Variants in ZFHX3 observed in about 807,000 individuals in gnomAD.
ZFHX3 encodes the protein zinc finger homeobox protein 3.
Under a neutral mutation model 279.1 loss-of-function variants are expected in ZFHX3, and 42 were observed. That is an observed-to-expected ratio of 0.15 (90% CI 0.12 to 0.19). ZFHX3 has a LOEUF of 0.19. Among genes scored for constraint, ZFHX3 ranks in the 10% least tolerant of loss-of-function variants. The probability of loss-of-function intolerance (pLI) is 1.00; values close to 1 mark genes in which losing one functional copy is unlikely to be tolerated. For missense variants in ZFHX3, 4,981 were observed against 4,754.0 expected (o/e 1.05, Z -1.40); for synonymous variants, 2,293 against 1,957.8 (o/e 1.17, Z -4.52).
intron 3 of ZFHX3, among the ~76,000 whole-genome samples, chr16:73,443,664 C>T (rs1339526606): frequency 6.6e-6 from 1 of 152,216 alleles, no homozygotes; most frequent in African/African-American, 2.4e-5. Flanking sequence ...CCCTCCTTCT[C>T]TCCCTTTCTC....
intron 2 of ZFHX3, among the ~76,000 whole-genome samples, chr16:73,646,818 G>T (rs1337556315): frequency 6.6e-6 from 1 of 152,120 alleles, no homozygotes; most frequent in African/African-American, 2.4e-5. Flanking sequence ...TGAAAAAGTT[G>T]TAAAAGATCT....
At position 72,787,144 on chromosome 16, in the gene ZFHX3, G is replaced by C. The variant is rs187024326; in HGVS notation, c.*20C>G. 2.9e-6 allele frequency: 4 copies of C among 1,385,822 alleles called. No individual in the cohort carries two copies. The highest frequency in any genetic ancestry group is 3.9e-5 in the South Asian group (2 of 51,896). The allele number at this position is 1,385,822 out of a possible 1,614,324, so 85.8% of individuals were successfully genotyped here. ...TTTTTGTATTTAAATTCATTTGTTT[G>C]TATTGTTCATCTTCAAAGCTTACAA... is the stretch of plus-strand genomic sequence containing the variant. On this transcript the variant is annotated 3_prime_UTR_variant, in exon 10 of 10. Coordinates refer to ENST00000268489, the MANE Select transcript of ZFHX3 (RefSeq NM_006885.4).
chr16:72,788,653 T>G lies in ZFHX3; in HGVS notation c.9623A>C (p.Gln3208Pro). The change falls in exon 10 of 10, where the codon CAG becomes CCG. Residue 3208 changes from glutamine (Q) to proline (P), a missense_variant. Coordinates refer to ENST00000268489, the MANE Select transcript of ZFHX3 (RefSeq NM_006885.4). ...GGCTGCTGGCGGCGGGGGAGGCTGC[T>G]GCACCTGTGGTTGCTGCTGCTGCTG... ...QQQQQQQPQV[Q>P]QPPPPPAAQP... 6.2e-7 allele frequency: 1 copy of G among 1,613,380 alleles called. No homozygotes were observed. Among genetic ancestry groups the G allele is most frequent in the East Asian group, 2.2e-5 (1 of 44,696 alleles).
intron 1 of ZFHX3, among the ~76,000 whole-genome samples, chr16:73,043,675 G>A (rs728646): frequency 0.22 from 33,119 of 152,090 alleles, 3,861 homozygotes; most frequent in East Asian, 0.42. Context: ...CATTCCAGTC[G>A]TTTCCCTACT....
chr16:73,378,055 A>AAAAAAAAAAAAAAAAAAAAAAAAT (rs2016754997), intron 3 of ZFHX3, among the ~76,000 whole-genome samples: 1 of 136,474 alleles, frequency 7.3e-6, no homozygotes, highest in Non-Finnish European at 1.6e-5. Flanking sequence ...AAAAAAAAAA[A>AAAAAAAAAAAAAAAAAAAAAAAAT]AAAAAAAAAA....
At chr16:72,997,419 C>T (rs1233431390) in intron 1 of ZFHX3, among the ~76,000 whole-genome samples, 5 of 152,154 alleles carry the variant, frequency 3.3e-5, no homozygotes, top group South Asian at 2.1e-4. Flanking sequence ...AGTAACCACC[C>T]TTGCCCTCAA....
chr16:73,032,136 A>C (rs749737610), intron 1 of ZFHX3, among the ~76,000 whole-genome samples: 10 of 152,148 alleles, frequency 6.6e-5, no homozygotes, highest in Non-Finnish European at 1.5e-4. Context: ...GTCTCTACAA[A>C]AAATTAAAAA....
At chr16:73,487,735 A>G (rs1230808348) in intron 2 of ZFHX3, 1 of 162,100 alleles carries the variant, frequency 6.2e-6, no homozygotes, top group African/African-American at 2.4e-5. Flanking sequence ...TCCCGCACTA[A>G]CTCTGGGCTT....
chr16:73,628,108 A>G (rs965443533), intron 2 of ZFHX3, among the ~76,000 whole-genome samples: 1 of 152,018 alleles, frequency 6.6e-6, no homozygotes, highest in South Asian at 2.1e-4. Flanking sequence ...CATTGTACTC[A>G]GTAACTACCC....
At chr16:73,737,004 T>C (rs2053615530) in intron 1 of ZFHX3, among the ~76,000 whole-genome samples, 2 of 152,162 alleles carry the variant, frequency 1.3e-5, no homozygotes, top group South Asian at 4.1e-4. Context: ...TATTCAGGTC[T>C]CTTTCTGTGG....
Position 72,784,368 on chromosome 16 carries a change from A to G in ZFHX3, c.*2796T>C, listed in dbSNP as rs2035260320. 1 of 152,596 alleles carries G rather than the reference A, an allele frequency of 6.6e-6. No individual in the cohort carries two copies. Among genetic ancestry groups the G allele is most frequent in the Non-Finnish European group, 1.5e-5 (1 of 68,040 alleles). 9.5% of individuals were successfully genotyped at this position (152,596 alleles called of 1,614,324 possible). A position where few individuals can be genotyped will look rare whatever the true frequency, so the allele number is the denominator to read the frequency against. On this transcript the variant is annotated 3_prime_UTR_variant, in exon 10 of 10. Transcript: ENST00000268489. Reference sequence around the variant, plus strand: ...GAGGGAAAAGGATAGAAATTGCACTATTACCAAGCAATATCATTTTTAAAA... The same window carrying G: ...GAGGGAAAAGGATAGAAATTGCACTGTTACCAAGCAATATCATTTTTAAAA...
At chr16:73,306,554 C>T (rs973569403) in intron 4 of ZFHX3, among the ~76,000 whole-genome samples, 1 of 152,188 alleles carries the variant, frequency 6.6e-6, no homozygotes, top group African/African-American at 2.4e-5. Context: ...AACTTCTGAC[C>T]TCAAATGATC....
chr16:73,583,319 A>G (rs1567525184), intron 2 of ZFHX3, among the ~76,000 whole-genome samples: 2 of 152,354 alleles, frequency 1.3e-5, no homozygotes, highest in East Asian at 3.9e-4. Flanking sequence ...TAATCTTAAA[A>G]AAGAAGAAAC....
At chr16:73,368,992 C>A (rs1597304438) in intron 3 of ZFHX3, among the ~76,000 whole-genome samples, 1 of 152,172 alleles carries the variant, frequency 6.6e-6, no homozygotes, top group East Asian at 1.9e-4. Flanking sequence ...TACAATGTGA[C>A]CTCTGTGACT....
chr16:73,465,348 T>A (rs1325751972), intron 2 of ZFHX3, among the ~76,000 whole-genome samples: 1 of 152,220 alleles, frequency 6.6e-6, no homozygotes, highest in Non-Finnish European at 1.5e-5. Flanking sequence ...TTCTCATGGC[T>A]GAGGAATAGA....
At chr16:73,029,639 T>C (rs988578570) in intron 1 of ZFHX3, among the ~76,000 whole-genome samples, 27 of 152,250 alleles carry the variant, frequency 1.8e-4, no homozygotes, top group Non-Finnish European at 4.0e-4. Context: ...AAACGGGACT[T>C]GAAAAGAGCT....
chr16:73,583,394 T>C (rs1304935786), intron 2 of ZFHX3, among the ~76,000 whole-genome samples: 4 of 152,176 alleles, frequency 2.6e-5, no homozygotes, highest in African/African-American at 9.7e-5. Context: ...GCTGACACTG[T>C]GGATAGTGTA....
intron 4 of ZFHX3, among the ~76,000 whole-genome samples, chr16:72,839,849 A>T (rs1400774682): frequency 6.6e-6 from 1 of 152,140 alleles, no homozygotes; most frequent in Non-Finnish European, 1.5e-5. Flanking sequence ...GTAGGAAGGG[A>T]CATTTTTCAA....
intron 1 of ZFHX3, among the ~76,000 whole-genome samples, chr16:73,737,555 T>A (rs2053620107): frequency 6.6e-6 from 1 of 152,088 alleles, no homozygotes; most frequent in African/African-American, 2.4e-5. Context: ...GATTAACAAT[T>A]AAAAATCTTT....
Sources: allele counts gnomAD v4.1 joint callset (sites outside exome capture counted in the v4.1 genomes callset), GRCh38; gene constraint gnomAD v4.1.1; transcripts MANE v1.5; gene names NCBI Gene and HGNC (gene_info 2026-07-23, HGNC 2026-07-21).